ME3: variants seen among roughly 807,000 people sequenced by gnomAD.
ME3 encodes the protein malic enzyme 3.
ME3 carries 48 observed loss-of-function variants against 68.9 expected under a neutral mutation model. That is an observed-to-expected ratio of 0.70 (90% CI 0.55 to 0.89). The LOEUF (loss-of-function observed/expected upper bound fraction) is 0.89. Among genes scored for constraint, ME3 ranks in the 40% least tolerant of loss-of-function variants. The pLI, the probability that ME3 is intolerant of heterozygous loss-of-function variation, is 0.00. For missense variants in ME3, 675 were observed against 797.4 expected (o/e 0.85, Z 1.85); for synonymous variants, 320 against 318.8 (o/e 1.00, Z -0.04).
chr11:86,646,704 A>G (rs149483930), intron 2 of ME3, among the ~76,000 whole-genome samples: 1 of 152,300 alleles, frequency 6.6e-6, no homozygotes, highest in African/African-American at 2.4e-5. Context: ...GCAGAGAACA[A>G]AACTAAGATA....
chr11:86,438,484 A>G (rs1948909547), downstream of ME3, among the ~76,000 whole-genome samples: 1 of 152,164 alleles, frequency 6.6e-6, no homozygotes. Context: ...CAATACTAGT[A>G]TCATAGAATG....
chr11:86,438,895 G>A (rs147015518), downstream of ME3, among the ~76,000 whole-genome samples: 106 of 152,224 alleles, frequency 7.0e-4, no homozygotes, highest in Middle Eastern at 3.4e-3. Context: ...TGGCTCACAT[G>A]ATTATGGAAG....
intron 2 of ME3, among the ~76,000 whole-genome samples, chr11:86,649,624 T>C (rs1041743289): frequency 6.6e-6 from 1 of 152,212 alleles, no homozygotes; most frequent in Non-Finnish European, 1.5e-5. Context: ...AGTCTCAGGA[T>C]ACAAAATCAA....
intron 2 of ME3, among the ~76,000 whole-genome samples, chr11:86,599,467 G>A (rs1213634247): frequency 2.0e-5 from 3 of 152,190 alleles, no homozygotes; most frequent in African/African-American, 7.2e-5. Context: ...GACCAAATCT[G>A]CATCTGATTG....
intron 4 of ME3, among the ~76,000 whole-genome samples, chr11:86,534,340 A>G (rs1186283851): frequency 6.6e-6 from 1 of 152,108 alleles, no homozygotes; most frequent in African/African-American, 2.4e-5. Flanking sequence ...TACTTTATAC[A>G]CTTTTAAGTT....
At chr11:86,438,966 G>A (rs1948911973), downstream of ME3, among the ~76,000 whole-genome samples, 1 of 152,106 alleles carries the variant, frequency 6.6e-6, no homozygotes, top group Admixed American at 6.5e-5. Context: ...AGAGATGATG[G>A]TATAGTTCCT....
At chr11:86,667,267 G>A (rs2135517968) in intron 2 of ME3, among the ~76,000 whole-genome samples, 1 of 152,286 alleles carries the variant, frequency 6.6e-6, no homozygotes, top group African/African-American at 2.4e-5. Flanking sequence ...CAGAGAAGCA[G>A]GTGAAGGATC....
At chr11:86,447,989 A>G (rs1593994852) in intron 11 of ME3, among the ~76,000 whole-genome samples, 161 bp downstream of exon 11, 1 of 152,168 alleles carries the variant, frequency 6.6e-6, no homozygotes, top group Admixed American at 6.5e-5. Context: ...TTTCTATACA[A>G]TAGTCACTCA....
intron 7 of ME3, among the ~76,000 whole-genome samples, chr11:86,475,868 T>TAGAGAGAG (rs1280724738): frequency 5.5e-5 from 6 of 109,714 alleles, no homozygotes; most frequent in Admixed American, 9.0e-5. Context: ...TATATATATA[T>TAGAGAGAG]ATATATAGAG....
chr11:86,484,118 G>A (rs677643), intron 7 of ME3, among the ~76,000 whole-genome samples: 47,678 of 151,952 alleles, frequency 0.31, 7,735 homozygotes, highest in Non-Finnish European at 0.33. Flanking sequence ...CAAGCTCCAC[G>A]GCAGGAACTG....
At chr11:86,478,132 C>T (rs1386524521) in intron 7 of ME3, among the ~76,000 whole-genome samples, 1 of 151,890 alleles carries the variant, frequency 6.6e-6, no homozygotes, top group Non-Finnish European at 1.5e-5. Context: ...CAACCAACTC[C>T]CACCCTCACC....
chr11:86,457,477 C>T, intron 8 of ME3: 2 of 1,031,952 alleles, frequency 1.9e-6, no homozygotes, highest in Non-Finnish European at 2.3e-6. Flanking sequence ...CATTTTTTTC[C>T]TTTGGGAAGC....
intron 2 of ME3, among the ~76,000 whole-genome samples, chr11:86,655,881 A>T (rs376374906): frequency 2.0e-5 from 3 of 152,136 alleles, no homozygotes; most frequent in Non-Finnish European, 2.9e-5. Flanking sequence ...GAATCTACAA[A>T]GAACTCAAAC....
At chr11:86,442,607 C>T (rs1257998758) in intron 14 of ME3, among the ~76,000 whole-genome samples, 2 of 151,994 alleles carry the variant, frequency 1.3e-5, no homozygotes, top group East Asian at 3.9e-4. Flanking sequence ...TAGGGGAAAT[C>T]CAGGAGCTTT....
At chr11:86,605,717 C>T (rs76863210) in intron 2 of ME3, among the ~76,000 whole-genome samples, 5 of 151,984 alleles carry the variant, frequency 3.3e-5, no homozygotes, top group Non-Finnish European at 7.4e-5. Flanking sequence ...TTGTAACAAC[C>T]CTTTAAAATA....
intron 8 of ME3, chr11:86,462,728 A>G: frequency 1.8e-6 from 1 of 558,664 alleles, no homozygotes; most frequent in Non-Finnish European, 3.1e-6. Context: ...GAAGCTTATT[A>G]TCTTCTGGGA....
intron 4 of ME3, among the ~76,000 whole-genome samples, chr11:86,539,914 A>C (rs1955931940): frequency 6.6e-6 from 1 of 152,238 alleles, no homozygotes; most frequent in Non-Finnish European, 1.5e-5. Context: ...TTTAAAACAA[A>C]TCTGAACAAT....
intron 2 of ME3, among the ~76,000 whole-genome samples, chr11:86,584,688 G>C (rs1958632175): frequency 1.3e-5 from 2 of 152,218 alleles, no homozygotes; most frequent in South Asian, 4.1e-4. Flanking sequence ...CAATGAGCCA[G>C]TCACAGAAGG....
At chr11:86,549,496 T>C (rs1956555873) in intron 4 of ME3, among the ~76,000 whole-genome samples, 1 of 152,250 alleles carries the variant, frequency 6.6e-6, no homozygotes, top group Admixed American at 6.5e-5. Context: ...GAAAATTCTT[T>C]CTATATGACT....
Sources: allele counts gnomAD v4.1 joint callset (sites outside exome capture counted in the v4.1 genomes callset), GRCh38; gene constraint gnomAD v4.1.1; transcripts MANE v1.5; gene names NCBI Gene and HGNC (gene_info 2026-07-23, HGNC 2026-07-21).